Variants in LRRIQ1 observed in about 807,000 individuals in gnomAD.
LRRIQ1 encodes the protein leucine-rich repeat- and IQ domain-containing protein 1.
A neutral mutation model predicts 211.9 loss-of-function variants in LRRIQ1; 210 were observed. The observed-to-expected ratio is 0.99, with a 90% CI of 0.89 to 1.11. The LOEUF (loss-of-function observed/expected upper bound fraction) is 1.11, where lower values mean the gene tolerates loss of function less well. LRRIQ1 is among the 50% of genes most tolerant of loss of function. The pLI is 0.00. For missense variants in LRRIQ1, 2,136 were observed against 1,939.5 expected (o/e 1.10, Z -1.90); for synonymous variants, 699 against 650.1 (o/e 1.08, Z -1.14).
Position 85,081,897 on chromosome 12 carries a change from A to T in LRRIQ1, c.2887+8799A>T, listed in dbSNP as rs1420656826. The stretch of plus-strand genomic sequence containing the variant: ...CACCAAGCCTGGCTAATTTTTTTGT[A>T]TTTTTAGTAGAGAAGGGGTTTCACC... On this transcript the variant is annotated intron_variant, in intron 11 of 26. Coordinates refer to ENST00000393217, the MANE Select transcript of LRRIQ1 (RefSeq NM_001079910.2). Among the ~76,000 whole-genome samples, 3 of 150,938 alleles carry T rather than the reference A, an allele frequency of 2.0e-5. No individual in the cohort carries two copies. The East Asian group carries it at 5.9e-4, about 30-fold the overall frequency.
downstream of LRRIQ1, among the ~76,000 whole-genome samples, chr12:85,248,657 G>A (rs745309203): frequency 7.3e-5 from 11 of 151,586 alleles, no homozygotes; most frequent in Non-Finnish European, 1.6e-4. Context: ...TTTTAATATG[G>A]TATTGAATTT....
intron 24 of LRRIQ1, among the ~76,000 whole-genome samples, chr12:85,215,059 A>G (rs1406611626): frequency 1.3e-5 from 2 of 152,192 alleles, no homozygotes; most frequent in Admixed American, 6.6e-5. Context: ...CAAATAACTC[A>G]TGAACATATA....
At chr12:85,153,283 T>C (rs758465781) in intron 21 of LRRIQ1, 138 bp downstream of exon 21, 110 of 919,172 alleles carry the variant, frequency 1.2e-4, no homozygotes, top group Non-Finnish European at 1.7e-4. Flanking sequence ...AAAAACATCA[T>C]GGTCATGAAG....
intron 10 of LRRIQ1, among the ~76,000 whole-genome samples, chr12:85,072,113 AT>A (rs1180495268): frequency 6.6e-6 from 1 of 151,874 alleles, no homozygotes; most frequent in African/African-American, 2.4e-5. Context: ...AAATCTATAG[AT>A]TTTCCTCTGA....
chr12:85,083,070 A>T lies in LRRIQ1; in HGVS notation c.2887+9972A>T, dbSNP rs375658370. Among the ~76,000 whole-genome samples the T allele has an allele frequency of 3.9e-5, 6 of 152,128 alleles. No homozygotes were observed. In the East Asian group the frequency reaches 5.8e-4, roughly 15 times the overall value. On this transcript the variant is annotated intron_variant, in intron 11 of 26. Transcript: ENST00000393217. ...ACTCTACTGAATATTGAGATTCGGG[A>T]TAAGAGATTTAACTTTCAGCAATGT...
chr12:85,153,211 A>ACTGAGCGAGGAAAGATGTGGTATG, intron 21 of LRRIQ1, 66 bp downstream of exon 21: 5 of 1,366,518 alleles, frequency 3.7e-6, no homozygotes, highest in Non-Finnish European at 5.0e-6. Context: ...ATCATACAAA[A>ACTGAGCGAGGAAAGATGTGGTATG]GTAGTACAAT....
At chr12:85,041,550 A>C (rs887676428) in intron 3 of LRRIQ1, among the ~76,000 whole-genome samples, 1 of 151,646 alleles carries the variant, frequency 6.6e-6, no homozygotes, top group African/African-American at 2.4e-5. Flanking sequence ...TGTATTCTGG[A>C]AAGAGGGAAG....
intron 15 of LRRIQ1, among the ~76,000 whole-genome samples, chr12:85,108,393 G>A (rs962831740): frequency 9.2e-5 from 14 of 152,188 alleles, no homozygotes; most frequent in Admixed American, 4.6e-4. Context: ...CTCCCAAAGT[G>A]CTGGGATAAC....
At chr12:85,169,949 T>C (rs183664722) in intron 24 of LRRIQ1, among the ~76,000 whole-genome samples, 146 of 152,268 alleles carry the variant, frequency 9.6e-4, no homozygotes, top group Non-Finnish European at 1.4e-3. Context: ...TAAAACTTCC[T>C]AAATATATTC....
intron 19 of LRRIQ1, 94 bp downstream of exon 19, chr12:85,138,063 T>TA: frequency 1.4e-6 from 1 of 734,970 alleles, no homozygotes; most frequent in Non-Finnish European, 2.1e-6. Flanking sequence ...TTTATCCTAT[T>TA]AATATTGTTA....
At chr12:85,153,823 T>C in intron 22 of LRRIQ1, 65 bp downstream of exon 22, 1 of 1,108,116 alleles carries the variant, frequency 9.0e-7, no homozygotes, top group Non-Finnish European at 1.3e-6. Context: ...CCAAGACAGA[T>C]ACTTTTCAAG....
chr12:85,103,584 A>C lies in LRRIQ1; in HGVS notation c.3210-420A>C, dbSNP rs1404775441. 2.6e-5 allele frequency among the ~76,000 whole-genome samples: 4 copies of C among 151,856 alleles called. No homozygotes were observed. In the East Asian group the frequency reaches 7.7e-4, roughly 29 times the overall value. ...CATTTGTACCTTAAAAGTTTTGGTT[A>C]TGTGTTTTAGGCAGGGAGAAAAATA... On this transcript the variant is annotated intron_variant, in intron 13 of 26. Coordinates refer to ENST00000393217, the MANE Select transcript of LRRIQ1 (RefSeq NM_001079910.2).
At chr12:85,060,312 A>T (rs1881638588) in intron 8 of LRRIQ1, among the ~76,000 whole-genome samples, 2 of 152,016 alleles carry the variant, frequency 1.3e-5, no homozygotes. Context: ...GTAATATCTC[A>T]AAAGAGAAGA....
At chr12:85,165,584 T>G (rs564799957) in intron 24 of LRRIQ1, among the ~76,000 whole-genome samples, 5 of 150,310 alleles carry the variant, frequency 3.3e-5, no homozygotes, top group African/African-American at 1.2e-4. Flanking sequence ...GCAATTCTCC[T>G]GCCTCATCCT....
chr12:85,171,821 G>A (rs1473851097), intron 24 of LRRIQ1, among the ~76,000 whole-genome samples: 1 of 152,186 alleles, frequency 6.6e-6, no homozygotes, highest in African/African-American at 2.4e-5. Context: ...TGCAAGCCAA[G>A]GAGAGAAGCC....
chr12:85,271,867 T>C, the LRRIQ1 span, among the ~76,000 whole-genome samples: 1 of 152,184 alleles, frequency 6.6e-6, no homozygotes, highest in Non-Finnish European at 1.5e-5. Flanking sequence ...GTTGTGGTAT[T>C]CTAAAGATTT....
the LRRIQ1 span, among the ~76,000 whole-genome samples, chr12:85,271,009 A>T: frequency 9.4e-3 from 1,439 of 152,326 alleles, 14 homozygotes; most frequent in Admixed American, 0.024. Flanking sequence ...GGCTAGAATG[A>T]TACAATAGTT....
rs533973480 is a variant in LRRIQ1, at chr12:85,088,489, A to G, written c.2888-9866A>G. ...TTTTTCCAATTCTGTGAAGAAAGTC[A>G]TTGGTAGCTTGATGGGGATAGCATT... On this transcript the variant is annotated intron_variant, in intron 11 of 26. Transcript: ENST00000393217. Among the ~76,000 whole-genome samples, 16 of 152,288 alleles carry G rather than the reference A, an allele frequency of 1.1e-4. No homozygotes were observed. In the South Asian group the frequency reaches 3.3e-3, roughly 32 times the overall value.
intron 15 of LRRIQ1, among the ~76,000 whole-genome samples, chr12:85,107,191 C>T (rs1349556405): frequency 6.6e-6 from 1 of 151,976 alleles, no homozygotes; most frequent in Admixed American, 6.6e-5. Flanking sequence ...AACACGATTT[C>T]CCCCAAATTG....
Sources: allele counts gnomAD v4.1 joint callset (sites outside exome capture counted in the v4.1 genomes callset), GRCh38; gene constraint gnomAD v4.1.1; transcripts MANE v1.5; gene names NCBI Gene and HGNC (gene_info 2026-07-23, HGNC 2026-07-21).